PRDM11: variants seen among roughly 807,000 people sequenced by gnomAD.
PRDM11 encodes PR domain-containing protein 11.
PRDM11 carries 20 observed loss-of-function variants against 97.8 expected under a neutral mutation model. The ratio of observed to expected loss-of-function variants is 0.20; its 90% CI spans 0.14 to 0.30. The LOEUF is 0.30. Ranked by LOEUF, PRDM11 falls within the 10% of genes least tolerant of loss-of-function variation. The pLI is 1.00. For missense variants in PRDM11, 1,139 were observed against 1,555.2 expected (o/e 0.73, Z 4.50); for synonymous variants, 599 against 637.7 (o/e 0.94, Z 0.91).
intron 1 of PRDM11, among the ~76,000 whole-genome samples, chr11:45,132,730 C>T (rs771373154): frequency 2.6e-5 from 4 of 152,142 alleles, no homozygotes; most frequent in African/African-American, 9.7e-5. Flanking sequence ...CTAAGGACAT[C>T]GAAGTCAACC....
intron 1 of PRDM11, among the ~76,000 whole-genome samples, chr11:45,138,968 C>T (rs1852936306): frequency 6.6e-6 from 1 of 152,136 alleles, no homozygotes; most frequent in South Asian, 2.1e-4. Context: ...ATGTAAACTA[C>T]ATTTCTAAAT....
intron 4 of PRDM11, among the ~76,000 whole-genome samples, chr11:45,184,491 G>A (rs1227370179): frequency 6.6e-6 from 1 of 152,142 alleles, no homozygotes; most frequent in East Asian, 1.9e-4. Flanking sequence ...GCTAGGGTTG[G>A]GGCAAAGACT....
intron 1 of PRDM11, among the ~76,000 whole-genome samples, chr11:45,108,566 G>T (rs1852106850): frequency 6.6e-6 from 1 of 152,198 alleles, no homozygotes. Flanking sequence ...CTGGGCTCTG[G>T]CTCCTGCCCT....
intron 4 of PRDM11, among the ~76,000 whole-genome samples, chr11:45,196,042 A>G (rs1364554569): frequency 2.0e-5 from 3 of 152,172 alleles, no homozygotes; most frequent in African/African-American, 7.2e-5. Flanking sequence ...CATAATACCT[A>G]GGAGTGGAAT....
intron 1 of PRDM11, among the ~76,000 whole-genome samples, chr11:45,111,641 G>A (rs1359278764): frequency 1.3e-5 from 2 of 152,210 alleles, no homozygotes; most frequent in East Asian, 3.8e-4. Context: ...AAATCAGAGA[G>A]TGGGAGTGGC....
chr11:45,221,817 G>T (rs1202223930), intron 6 of PRDM11, among the ~76,000 whole-genome samples: 1 of 152,230 alleles, frequency 6.6e-6, no homozygotes, highest in Non-Finnish European at 1.5e-5. Flanking sequence ...AAGCCCTTGG[G>T]AATGGTCATG....
intron 1 of PRDM11, among the ~76,000 whole-genome samples, chr11:45,117,645 G>A (rs57396667): frequency 0.025 from 3,831 of 152,186 alleles, 169 homozygotes; most frequent in African/African-American, 0.088. Context: ...TACTCAAGAG[G>A]CTGAGGCTGG....
Position 45,113,834 on chromosome 11 carries a change from T to G in PRDM11, c.96+17933T>G, listed in dbSNP as rs75797084. 5.4e-3 allele frequency among the ~76,000 whole-genome samples: 814 copies of G among 149,622 alleles called. 9 individuals are homozygous for G. The highest frequency in any genetic ancestry group is 0.019 in the African/African-American group (767 of 40,216). On this transcript the variant is annotated intron_variant, in intron 1 of 6. Coordinates refer to the PRDM11 transcript ENST00000530656. ...TGTGTGTGTGTGTGTGTTTTGTTTT[T>G]TTTTTTTTTTACAAAAAATCACATT...
intron 5 of PRDM11, chr11:45,212,786 G>T (rs1236373840): frequency 6.6e-6 from 3 of 456,320 alleles, no homozygotes; most frequent in Middle Eastern, 3.3e-4. Context: ...CGTGCACCGG[G>T]ACATGGCCAA....
At chr11:45,152,575 C>G (rs11038333) in intron 1 of PRDM11, among the ~76,000 whole-genome samples, 1 of 152,010 alleles carries the variant, frequency 6.6e-6, no homozygotes, top group Admixed American at 6.5e-5. Context: ...ATAGTATATG[C>G]CATATGGTAA....
At position 45,231,133 on chromosome 11, in the gene PRDM11, C is replaced by T. The variant is rs547044368; in HGVS notation, c.*2974C>T. The T allele has an allele frequency of 2.0e-5, 3 of 152,318 alleles. No homozygotes were observed. The highest frequency in any genetic ancestry group is 1.9e-4 in the East Asian group (1 of 5,162). The allele number at this position is 152,318 out of a possible 1,614,324, so 9.4% of individuals were successfully genotyped here. ...TTAGCCATGCCAGGGCTGTGGCAGA[C>T]ACTCTGTAGGCCACACTGCCATGGG... On this transcript the variant is annotated 3_prime_UTR_variant, in exon 8 of 8. Coordinates refer to ENST00000683152, the MANE Select transcript of PRDM11 (RefSeq NM_001384648.1).
At chr11:45,124,181 T>C (rs201309588) in intron 1 of PRDM11, among the ~76,000 whole-genome samples, 1 of 151,814 alleles carries the variant, frequency 6.6e-6, no homozygotes, top group Non-Finnish European at 1.5e-5. Flanking sequence ...CTTGTGATTT[T>C]TGTACATTGA....
At chr11:45,161,430 G>C (rs1025098554) in intron 1 of PRDM11, among the ~76,000 whole-genome samples, 3 of 152,186 alleles carry the variant, frequency 2.0e-5, no homozygotes, top group African/African-American at 7.2e-5. Context: ...GGCCCCGAAG[G>C]GTCTGGACCA....
chr11:45,151,301 C>T (rs576423339), intron 1 of PRDM11, among the ~76,000 whole-genome samples: 121 of 152,286 alleles, frequency 7.9e-4, no homozygotes, highest in African/African-American at 2.7e-3. Flanking sequence ...GACAGCTGAC[C>T]CTGGAGCTGT....
chr11:45,228,142 T>C lies in PRDM11; in HGVS notation c.3517T>C (p.Phe1173Leu). ...ACAGACCATGGACCACGGGACGGAG[T>C]TTTACCCCGACATTTAGGGAGCTGG... ...ALQTMDHGTE[F>L]YPDI The change falls in exon 8 of 8, where the codon TTT becomes CTT. Residue 1173 changes from phenylalanine (F) to leucine (L), a missense_variant. Around this residue, in one of 2 missense-constraint regions of PRDM11, gnomAD observed 710 missense variants for 1,044.9 expected, o/e 0.68. Coordinates refer to ENST00000683152, the MANE Select transcript of PRDM11 (RefSeq NM_001384648.1). 1 of 1,522,466 alleles carries C rather than the reference T, an allele frequency of 6.6e-7. No individual in the cohort carries two copies. The highest frequency in any genetic ancestry group is 8.8e-7 in the Non-Finnish European group (1 of 1,138,910). 94.3% of individuals were successfully genotyped at this position (1,522,466 alleles called of 1,614,324 possible). A position where few individuals can be genotyped will look rare whatever the true frequency, so the allele number is the denominator to read the frequency against.
At chr11:45,162,910 C>T (rs754721576) in intron 1 of PRDM11, among the ~76,000 whole-genome samples, 17 of 152,256 alleles carry the variant, frequency 1.1e-4, no homozygotes, top group Non-Finnish European at 2.5e-4. Flanking sequence ...TCCAGGCTCT[C>T]TGCATGTCGG....
At chr11:45,165,628 A>G (rs1158339093) in intron 1 of PRDM11, among the ~76,000 whole-genome samples, 1 of 152,346 alleles carries the variant, frequency 6.6e-6, no homozygotes, top group Non-Finnish European at 1.5e-5. Flanking sequence ...GCTCCAGGGG[A>G]TCGTTGCCAT....
chr11:45,098,117 A>G (rs995926549), intron 1 of PRDM11, among the ~76,000 whole-genome samples: 7 of 152,194 alleles, frequency 4.6e-5, no homozygotes, highest in African/African-American at 1.7e-4. Flanking sequence ...CCTTCAGGGA[A>G]CCCACCCAGG....
intron 1 of PRDM11, among the ~76,000 whole-genome samples, chr11:45,168,290 TCTC>T (rs1192284212): frequency 6.6e-6 from 1 of 152,132 alleles, no homozygotes; most frequent in Non-Finnish European, 1.5e-5. Context: ...CTACAAGCCT[TCTC>T]CTCTGGGTCC....
Sources: allele counts gnomAD v4.1 joint callset (sites outside exome capture counted in the v4.1 genomes callset), GRCh38; gene constraint gnomAD v4.1.1; regional missense constraint gnomAD v4.1.1; transcripts MANE v1.5; gene names NCBI Gene and HGNC (gene_info 2026-07-23, HGNC 2026-07-21).